The following KHDRBS3 variants were observed in gnomAD, a reference collection of about 807,000 sequenced individuals.
The protein encoded by KHDRBS3 is KH RNA binding domain containing, signal transduction associated 3.
Under a neutral mutation model 45.6 loss-of-function variants are expected in KHDRBS3, and 23 were observed. That is an observed-to-expected ratio of 0.50 (90% CI 0.36 to 0.72). The LOEUF is 0.72. Among genes scored for constraint, KHDRBS3 ranks in the 30% least tolerant of loss-of-function variants. The pLI, the probability that KHDRBS3 is intolerant of heterozygous loss-of-function variation, is 0.00. For synonymous variants in KHDRBS3, 162 were observed against 156.5 expected, an observed-to-expected ratio of 1.04 and a Z score of -0.26; for missense variants, 352 against 424.8, an observed-to-expected ratio of 0.83 and a Z score of 1.51.
intron 1 of KHDRBS3, among the ~76,000 whole-genome samples, chr8:135,499,973 C>G (rs1823650230): frequency 2.0e-5 from 3 of 152,126 alleles, no homozygotes; most frequent in Admixed American, 2.0e-4. Flanking sequence ...ATAACAGTTA[C>G]AGTTTACAGT....
At chr8:135,646,884 T>C in intron 8 of KHDRBS3, 109 bp from the exon 9 acceptor site, 1 of 639,182 alleles carries the variant, frequency 1.6e-6, no homozygotes, top group South Asian at 1.9e-5. Flanking sequence ...GGGGTATATA[T>C]TTTCAATATG....
At chr8:135,518,244 C>G (rs183965896) in intron 1 of KHDRBS3, among the ~76,000 whole-genome samples, 3 of 152,166 alleles carry the variant, frequency 2.0e-5, no homozygotes. Context: ...CACGATCTCA[C>G]CTCACTGCAA....
intron 7 of KHDRBS3, among the ~76,000 whole-genome samples, chr8:135,644,112 C>G (rs1831183642): frequency 6.6e-6 from 1 of 152,166 alleles, no homozygotes; most frequent in South Asian, 2.1e-4. Flanking sequence ...TACATGGAAA[C>G]TCTTTCTCAA....
At chr8:135,565,642 G>A (rs1399499902) in intron 5 of KHDRBS3, among the ~76,000 whole-genome samples, 1 of 152,154 alleles carries the variant, frequency 6.6e-6, no homozygotes, top group Admixed American at 6.6e-5. Flanking sequence ...GAGAGTTGGT[G>A]AGAGTTCATA....
chr8:135,629,886 A>C (rs762494763), intron 7 of KHDRBS3, among the ~76,000 whole-genome samples: 2 of 152,220 alleles, frequency 1.3e-5, no homozygotes, highest in Non-Finnish European at 2.9e-5. Context: ...TGACTGTTTC[A>C]TGGCAGCAGA....
At chr8:135,565,872 G>A (rs1403755446) in intron 5 of KHDRBS3, among the ~76,000 whole-genome samples, 3 of 152,106 alleles carry the variant, frequency 2.0e-5, no homozygotes, top group African/African-American at 2.4e-5. Flanking sequence ...TTCTTCAAGC[G>A]TCATAACCCT....
At chr8:135,642,567 A>G (rs1294577629) in intron 7 of KHDRBS3, among the ~76,000 whole-genome samples, 1 of 152,148 alleles carries the variant, frequency 6.6e-6, no homozygotes, top group African/African-American at 2.4e-5. Flanking sequence ...TACTTGGTAT[A>G]TTAGGTCAGC....
intron 7 of KHDRBS3, among the ~76,000 whole-genome samples, chr8:135,615,924 T>A (rs1262190511): frequency 6.6e-6 from 1 of 152,214 alleles, no homozygotes; most frequent in Admixed American, 6.5e-5. Flanking sequence ...AGACTGAGCT[T>A]CTCACTAAGT....
chr8:135,640,676 G>A (rs1160931485), intron 7 of KHDRBS3, among the ~76,000 whole-genome samples: 1 of 152,138 alleles, frequency 6.6e-6, no homozygotes, highest in African/African-American at 2.4e-5. Context: ...ATGGAGAGAG[G>A]GTAGAGACAT....
At chr8:135,533,747 C>T (rs183618853) in intron 2 of KHDRBS3, among the ~76,000 whole-genome samples, 56 of 152,192 alleles carry the variant, frequency 3.7e-4, no homozygotes, top group African/African-American at 1.3e-3. Context: ...CCCAATAAGC[C>T]ACTTGTAGGT....
intron 7 of KHDRBS3, among the ~76,000 whole-genome samples, chr8:135,614,644 A>G (rs1012764648): frequency 2.0e-5 from 3 of 151,732 alleles, no homozygotes; most frequent in East Asian, 3.9e-4. Flanking sequence ...AAAACAAGGG[A>G]TATCAACCCA....
intron 6 of KHDRBS3, among the ~76,000 whole-genome samples, chr8:135,587,997 T>G (rs139402469): frequency 1.0e-3 from 157 of 152,308 alleles, no homozygotes; most frequent in African/African-American, 3.7e-3. Flanking sequence ...TTGCACTGTA[T>G]GTATAGGTTG....
At chr8:135,555,247 GATTC>G (rs1484077385) in intron 4 of KHDRBS3, among the ~76,000 whole-genome samples, 1 of 152,072 alleles carries the variant, frequency 6.6e-6, no homozygotes, top group Non-Finnish European at 1.5e-5. Flanking sequence ...ACTCTGTGAA[GATTC>G]ACTCCTTATG....
chr8:135,537,958 G>C (rs1016950408), intron 2 of KHDRBS3, among the ~76,000 whole-genome samples: 1 of 152,100 alleles, frequency 6.6e-6, no homozygotes, highest in Non-Finnish European at 1.5e-5. Context: ...ATTTGAAAAG[G>C]TGACTGCAAG....
intron 6 of KHDRBS3, among the ~76,000 whole-genome samples, chr8:135,598,267 C>G (rs1014063844): frequency 2.6e-5 from 4 of 152,176 alleles, no homozygotes; most frequent in Non-Finnish European, 5.9e-5. Context: ...AGGTCTTCAG[C>G]TAAAACAAAA....
exon 5 of KHDRBS3, chr8:135,656,450 A>T (rs1831533679): frequency 1.3e-5 from 2 of 152,210 alleles, no homozygotes; most frequent in African/African-American, 4.8e-5. Flanking sequence ...GACTCCCAAT[A>T]ACAAAAAGAG....
At chr8:135,483,450 T>C (rs1252864421) in intron 1 of KHDRBS3, among the ~76,000 whole-genome samples, 1 of 152,138 alleles carries the variant, frequency 6.6e-6, no homozygotes, top group Non-Finnish European at 1.5e-5. Flanking sequence ...TAGTAAGATG[T>C]TGTCATGGTG....
chr8:135,557,011 A>G (rs1826920359), intron 4 of KHDRBS3, among the ~76,000 whole-genome samples: 1 of 152,160 alleles, frequency 6.6e-6, no homozygotes, highest in African/African-American at 2.4e-5. Flanking sequence ...GTATGTATAT[A>G]TATCCTTCCT....
chr8:135,472,989 A>T (rs1822087656), intron 1 of KHDRBS3, among the ~76,000 whole-genome samples: 1 of 152,026 alleles, frequency 6.6e-6, no homozygotes, highest in Admixed American at 6.5e-5. Context: ...CTAAATAAAA[A>T]GTTTACTGAA....
Sources: gnomAD v4.1 joint callset for allele counts (sites outside exome capture counted in the v4.1 genomes callset) on GRCh38, gnomAD v4.1.1 for gene constraint, MANE v1.5 for transcripts, NCBI Gene and HGNC (gene_info 2026-07-23, HGNC 2026-07-21) for gene names.